The following DDAH1 variants were observed in gnomAD, a reference collection of about 807,000 sequenced individuals.
DDAH1 encodes the protein N(G),N(G)-dimethylarginine dimethylaminohydrolase 1.
DDAH1 carries 19 observed loss-of-function variants against 28.8 expected under a neutral mutation model. The observed-to-expected ratio is 0.66, with a 90% CI of 0.46 to 0.97. DDAH1 has a LOEUF of 0.97. Among genes scored for constraint, DDAH1 ranks in the 50% least tolerant of loss-of-function variants. The probability of loss-of-function intolerance (pLI) is 0.00; values close to 1 mark genes in which losing one functional copy is unlikely to be tolerated. For missense variants in DDAH1, 326 were observed against 375.9 expected, an observed-to-expected ratio of 0.87 and a Z score of 1.10; for synonymous variants, 153 against 154.4, an observed-to-expected ratio of 0.99 and a Z score of 0.07.
chr1:85,404,380 C>A (rs1365108831), intron 1 of DDAH1: 1 of 1,535,032 alleles, frequency 6.5e-7, no homozygotes, highest in African/African-American at 1.4e-5. Context: ...TTTGTCCTTA[C>A]CATAGCTGAC....
At chr1:85,346,502 T>C (rs1648855806) in intron 4 of DDAH1, among the ~76,000 whole-genome samples, 1 of 152,034 alleles carries the variant, frequency 6.6e-6, no homozygotes, top group South Asian at 2.1e-4. Flanking sequence ...AAAAAGAAGA[T>C]TCAGTATGGA....
chr1:85,460,597 TA>T (rs1248345832), intron 1 of DDAH1, among the ~76,000 whole-genome samples: 3 of 151,610 alleles, frequency 2.0e-5, no homozygotes, highest in African/African-American at 4.8e-5. Context: ...CAAATAAATT[TA>T]AAAAAAAAGT....
chr1:85,569,078 T>C (rs1271673211), intron 1 of DDAH1, among the ~76,000 whole-genome samples: 1 of 152,198 alleles, frequency 6.6e-6, no homozygotes, highest in Non-Finnish European at 1.5e-5. Flanking sequence ...AAGAATCTAC[T>C]GAGTTGTAAA....
chr1:85,449,452 G>A (rs2100666921), intron 1 of DDAH1, among the ~76,000 whole-genome samples: 1 of 152,250 alleles, frequency 6.6e-6, no homozygotes, highest in South Asian at 2.1e-4. Flanking sequence ...TAAGAGTCAT[G>A]GTGGGGTAGG....
chr1:85,329,180 T>G (rs1647607074), intron 4 of DDAH1, among the ~76,000 whole-genome samples: 1 of 152,142 alleles, frequency 6.6e-6, no homozygotes, highest in Admixed American at 6.5e-5. Flanking sequence ...TTCTCAGGGA[T>G]TGTTATCAGT....
At chr1:85,371,874 A>C (rs915821613) in intron 1 of DDAH1, among the ~76,000 whole-genome samples, 7 of 152,208 alleles carry the variant, frequency 4.6e-5, no homozygotes, top group African/African-American at 1.7e-4. Flanking sequence ...CTAATTTTTC[A>C]CCAATTGTGG....
chr1:85,392,906 T>C (rs1157351908), intron 1 of DDAH1, among the ~76,000 whole-genome samples: 1 of 151,674 alleles, frequency 6.6e-6, no homozygotes, highest in East Asian at 1.9e-4. Flanking sequence ...GGAAAGGAAG[T>C]AAAATCTCAG....
At chr1:85,321,655 T>A in intron 5 of DDAH1, 87 bp from the exon 6 acceptor site, 1 of 1,012,438 alleles carries the variant, frequency 9.9e-7, no homozygotes, top group Non-Finnish European at 1.6e-6. Flanking sequence ...TTTGTACATC[T>A]AGGCTTTTCA....
chr1:85,442,977 G>T (rs560285016), intron 1 of DDAH1, among the ~76,000 whole-genome samples: 1 of 152,188 alleles, frequency 6.6e-6, no homozygotes, highest in Non-Finnish European at 1.5e-5. Flanking sequence ...TCTGTAGGCT[G>T]CCTGTTCACT....
intron 1 of DDAH1, among the ~76,000 whole-genome samples, chr1:85,539,021 T>C (rs1658384518): frequency 6.6e-6 from 1 of 152,220 alleles, no homozygotes; most frequent in Non-Finnish European, 1.5e-5. Context: ...CACTATTCCC[T>C]TCCTTTAAAA....
intron 1 of DDAH1, chr1:85,379,746 C>A (rs1000054995): frequency 8.2e-6 from 8 of 974,792 alleles, no homozygotes; most frequent in Non-Finnish European, 9.8e-6. Flanking sequence ...TCCTTACTTT[C>A]CAACTCAGTT....
chr1:85,396,200 T>A (rs1189750577), intron 1 of DDAH1, among the ~76,000 whole-genome samples: 1 of 152,190 alleles, frequency 6.6e-6, no homozygotes, highest in East Asian at 1.9e-4. Context: ...AAATTCTAAG[T>A]CTCCTTGTCT....
At chr1:85,412,713 T>C (rs1206937186) in intron 1 of DDAH1, among the ~76,000 whole-genome samples, 1 of 152,076 alleles carries the variant, frequency 6.6e-6, no homozygotes, top group Non-Finnish European at 1.5e-5. Flanking sequence ...TATAAAATAT[T>C]TTGAGGGCCA....
intron 1 of DDAH1, among the ~76,000 whole-genome samples, chr1:85,536,979 A>ATG (rs1658305580): frequency 2.5e-5 from 1 of 39,674 alleles, no homozygotes; most frequent in South Asian, 6.0e-4. Flanking sequence ...ATATATATAT[A>ATG]TATATACGTA....
At chr1:85,349,038 G>A (rs902970424) in intron 4 of DDAH1, among the ~76,000 whole-genome samples, 2 of 152,192 alleles carry the variant, frequency 1.3e-5, no homozygotes, top group African/African-American at 4.8e-5. Context: ...AGATACCACA[G>A]TCCCTAAGGA....
chr1:85,352,150 A>G (rs1273617996), intron 2 of DDAH1, among the ~76,000 whole-genome samples: 1 of 152,174 alleles, frequency 6.6e-6, no homozygotes, highest in Non-Finnish European at 1.5e-5. Flanking sequence ...AGCTGGGGCC[A>G]TGGTCTGTAG....
chr1:85,555,604 G>A lies in DDAH1; in HGVS notation c.-123+22380C>T, dbSNP rs767540306. 1.4e-4 allele frequency among the ~76,000 whole-genome samples: 21 copies of A among 152,110 alleles called. No individual in the cohort carries two copies. In the South Asian group the frequency reaches 2.7e-3, roughly 20 times the overall value. ...ATCTAAGATATAAATTTCTTCACTC[G>A]CAGCCAGATATGCCCACACCCATGC... On this transcript the variant is annotated intron_variant, in intron 1 of 6. Coordinates refer to the DDAH1 transcript ENST00000426972.
At chr1:85,458,448 T>C (rs113492828) in intron 1 of DDAH1, among the ~76,000 whole-genome samples, 1 of 115,044 alleles carries the variant, frequency 8.7e-6, no homozygotes, top group Admixed American at 9.1e-5. Flanking sequence ...TTTTTTTTTT[T>C]AGACAGAGTC....
rs150911154 is a variant in DDAH1 at position 85,464,769 on chromosome 1, G to C, written c.277C>G (p.Pro93Ala). 1.6e-5 allele frequency: 25 copies of C among 1,562,652 alleles called. No individual in the cohort carries two copies. In the African/African-American group the frequency reaches 3.2e-4, roughly 20 times the overall value. ...TCCTTCCTCCGGCTCGGCGCCCCGG[G>C]TCGGGTGATGAGGGCCGTCTCCTCG... ...VCEETALITR[P>A]GAPSRRKEVD... Residue 93 changes from proline to alanine, a missense_variant, in exon 1 of 6, where the codon CCC becomes GCC. Transcript: ENST00000284031. The surrounding 1 kb of genome is among the most constrained non-coding windows in gnomAD (Gnocchi z 4.4).
Sources: allele counts gnomAD v4.1 joint callset (sites outside exome capture counted in the v4.1 genomes callset), GRCh38; gene constraint gnomAD v4.1.1; non-coding constraint Gnocchi (gnomAD v3.1); transcripts MANE v1.5; gene names NCBI Gene and HGNC (gene_info 2026-07-23, HGNC 2026-07-21).